The following OPRK1 variants were observed in gnomAD, a reference collection of about 807,000 sequenced individuals.
OPRK1 encodes opioid receptor kappa 1.
In OPRK1, 15 loss-of-function variants were observed where a neutral mutation model predicts 24.5. The observed-to-expected ratio is 0.61, with a 90% CI of 0.41 to 0.94. The LOEUF is 0.94. Among genes scored for constraint, OPRK1 ranks in the 40% least tolerant of loss-of-function variants. OPRK1 has a pLI of 0.00. For synonymous variants in OPRK1, 205 were observed against 198.0 expected (o/e 1.04, Z -0.30); for missense variants, 479 against 507.3 (o/e 0.94, Z 0.54).
chr8:53,234,671 T>C (rs1806944302), intron 3 of OPRK1, 88 bp downstream of exon 3: 4 of 1,181,626 alleles, frequency 3.4e-6, no homozygotes, highest in African/African-American at 1.5e-5. Context: ...CGATTTCCAC[T>C]AAATATGTGG....
intron 2 of OPRK1, among the ~76,000 whole-genome samples, chr8:53,240,972 TCAATTATGCCTCAC>T (rs1807099990): frequency 6.6e-6 from 1 of 152,182 alleles, no homozygotes; most frequent in Non-Finnish European, 1.5e-5. Flanking sequence ...TTTTTATTTG[TCAATTATGCCTCAC>T]CAAAGCTTGT....
At position 53,228,467 on chromosome 8, in the gene OPRK1, G is replaced by A. The variant is rs200822640; in HGVS notation, c.*830C>T. 1 of 152,130 alleles carries A rather than the reference G, an allele frequency of 6.6e-6. No homozygotes were observed. Among genetic ancestry groups the A allele is most frequent in the Non-Finnish European group, 1.5e-5 (1 of 68,022 alleles). The allele number at this position is 152,130 out of a possible 1,614,324, so 9.4% of individuals were successfully genotyped here. A position where few individuals can be genotyped will look rare whatever the true frequency, so the allele number is the denominator to read the frequency against. ...ATCATTAGTGTGCCCTCAGGAAATT[G>A]CCTGGCTGGGAGGCAAGCCTATTCC... On this transcript the variant is annotated 3_prime_UTR_variant, in exon 4 of 4. Transcript: ENST00000265572.
chr8:53,244,530 C>T (rs926691455), intron 2 of OPRK1, among the ~76,000 whole-genome samples: 1 of 152,092 alleles, frequency 6.6e-6, no homozygotes, highest in Admixed American at 6.5e-5. Context: ...GAGGAAGGTT[C>T]GTGAGAGATT....
At position 53,226,799 on chromosome 8, in the gene OPRK1, T is replaced by A. The variant is rs202201808; in HGVS notation, c.*2498A>T. ...TCCCTTCTTCACTCCTTTTTCAATGTTGGGGAGTCGATATTAACAAGAATC... is the reference window on the plus strand; with the variant it reads ...TCCCTTCTTCACTCCTTTTTCAATGATGGGGAGTCGATATTAACAAGAATC... On this transcript the variant is annotated 3_prime_UTR_variant, in exon 4 of 4. Coordinates refer to ENST00000265572, the MANE Select transcript of OPRK1 (RefSeq NM_000912.5). The A allele has an allele frequency of 6.6e-6, 1 of 152,240 alleles. No homozygotes were observed. Among genetic ancestry groups the A allele is most frequent in the Non-Finnish European group, 1.5e-5 (1 of 68,048 alleles). 9.4% of individuals were successfully genotyped at this position (152,240 alleles called of 1,614,324 possible).
At chr8:53,246,421 C>A (rs1807229667) in intron 2 of OPRK1, among the ~76,000 whole-genome samples, 1 of 152,102 alleles carries the variant, frequency 6.6e-6, no homozygotes, top group Admixed American at 6.5e-5. Flanking sequence ...CCATGACAGG[C>A]AGGAGGATGA....
rs1177091183 is a variant in OPRK1 at position 53,245,076 on chromosome 8, A to G, written c.257+5705T>C. Reference sequence around the variant, plus strand: ...AAATAGTTGTTATACTCTATTGTTTATGGAATAATGACAAGAAAGAAAGTC... The same window carrying G: ...AAATAGTTGTTATACTCTATTGTTTGTGGAATAATGACAAGAAAGAAAGTC... On this transcript the variant is annotated intron_variant, in intron 2 of 3. Coordinates refer to ENST00000265572, the MANE Select transcript of OPRK1 (RefSeq NM_000912.5). Among the ~76,000 whole-genome samples the G allele has an allele frequency of 3.9e-5, 6 of 152,360 alleles. No homozygotes were observed. In the East Asian group the frequency reaches 9.6e-4, roughly 25 times the overall value.
chr8:53,231,554 A>G (rs561088248), intron 3 of OPRK1, among the ~76,000 whole-genome samples: 14 of 152,096 alleles, frequency 9.2e-5, no homozygotes, highest in African/African-American at 2.9e-4. Flanking sequence ...TATTCACCCA[A>G]TTTCCCAGAC....
chr8:53,232,530 T>C (rs1005477518), intron 3 of OPRK1, among the ~76,000 whole-genome samples: 1 of 152,198 alleles, frequency 6.6e-6, no homozygotes, highest in Non-Finnish European at 1.5e-5. Context: ...TATTATGAAT[T>C]CATAAAAACT....
At chr8:53,231,558 C>G (rs1364380767) in intron 3 of OPRK1, among the ~76,000 whole-genome samples, 2 of 152,134 alleles carry the variant, frequency 1.3e-5, no homozygotes, top group Non-Finnish European at 2.9e-5. Flanking sequence ...CACCCAATTT[C>G]CCAGACAGAA....
At chr8:53,250,069 C>CCACACACACACACACA (rs369426050) in intron 2 of OPRK1, among the ~76,000 whole-genome samples, 1 of 130,390 alleles carries the variant, frequency 7.7e-6, no homozygotes, top group Non-Finnish European at 1.7e-5. Flanking sequence ...GAAGAAATTT[C>CCACACACACACACACA]CACACACACA....
chr8:53,250,970 G>A lies in OPRK1; in HGVS notation c.68C>T (p.Pro23Leu). The A allele has an allele frequency of 6.2e-7, 1 of 1,605,062 alleles. No homozygotes were observed. Among genetic ancestry groups the A allele is most frequent in the Non-Finnish European group, 8.5e-7 (1 of 1,175,976 alleles). ...GGGAAACCAGGCGCTGCTGTTGGGG[G>A]GCAGGCAGGCGCTCGGGGCGCAGGT... ...GPTCAPSACLPPNSSAWFPGW... is the reference protein window; with the variant it reads ...GPTCAPSACLLPNSSAWFPGW... The change falls in exon 2 of 4, where the codon CCC (proline) becomes CTC (leucine). Residue 23 changes from proline to leucine, a missense_variant. Coordinates refer to ENST00000265572, the MANE Select transcript of OPRK1 (RefSeq NM_000912.5).
intron 2 of OPRK1, among the ~76,000 whole-genome samples, chr8:53,240,782 A>C (rs1039651993): frequency 6.6e-6 from 1 of 152,142 alleles, no homozygotes; most frequent in African/African-American, 2.4e-5. Flanking sequence ...TAGCATCAAC[A>C]ATACTGTATT....
At position 53,229,081 on chromosome 8, in the gene OPRK1, G is replaced by A. The variant is rs1806785464; in HGVS notation, c.*216C>T. 3 of 520,404 alleles carry A rather than the reference G, an allele frequency of 5.8e-6. No individual in the cohort carries two copies. Among genetic ancestry groups the A allele is most frequent in the Non-Finnish European group, 1.0e-5 (3 of 295,488 alleles). The allele number at this position is 520,404 out of a possible 1,614,324, so 32.2% of individuals were successfully genotyped here. A position where few individuals can be genotyped will look rare whatever the true frequency, so the allele number is the denominator to read the frequency against. On this transcript the variant is annotated 3_prime_UTR_variant, in exon 4 of 4. Transcript: ENST00000265572. ...GGCTCTGCCTCGCTTCTGTGCCCTA[G>A]AGAAGAGGTGCATGTGTTGCGTGGA...
intron 3 of OPRK1, 22 bp from the exon 4 acceptor site, chr8:53,229,851 C>G (rs1806812370): frequency 6.6e-7 from 1 of 1,523,478 alleles, no homozygotes; most frequent in South Asian, 1.3e-5. Context: ...CAATAAAAAC[C>G]ACAACACAGA....
intron 3 of OPRK1, 36 bp downstream of exon 3, chr8:53,234,723 A>G (rs200456729): frequency 7.7e-6 from 12 of 1,551,954 alleles, no homozygotes; most frequent in Non-Finnish European, 9.7e-6. Flanking sequence ...ATTTGAAGCT[A>G]CATTTTTATG....
At chr8:53,236,492 T>G (rs1208700231) in intron 2 of OPRK1, among the ~76,000 whole-genome samples, 2 of 152,238 alleles carry the variant, frequency 1.3e-5, no homozygotes, top group Non-Finnish European at 2.9e-5. Context: ...GATGTTCTGC[T>G]TACTAAAGAG....
Position 53,229,688 on chromosome 8 carries a change from A to G in OPRK1, c.752T>C (p.Leu251Pro). Residue 251 changes from leucine to proline, a missense_variant, in exon 4 of 4, where the codon CTG (leucine) becomes CCG (proline). Coordinates refer to ENST00000265572, the MANE Select transcript of OPRK1 (RefSeq NM_000912.5). The stretch of plus-strand genomic sequence containing the variant: ...AAGGAGCCGGACGCTCTTGAGACGC[A>G]GGATCATCAGGGTGTAGCAGACGAT... The part of the protein sequence containing the change: ...IIIVCYTLMI[L>P]RLKSVRLLSG... The G allele has an allele frequency of 1.9e-6, 3 of 1,614,176 alleles. No homozygotes were observed. The highest frequency in any genetic ancestry group is 2.5e-6 in the Non-Finnish European group (3 of 1,180,020).
intron 2 of OPRK1, chr8:53,242,472 G>C: frequency 6.2e-6 from 1 of 161,460 alleles, no homozygotes; most frequent in Non-Finnish European, 1.4e-5. Flanking sequence ...TGTCATAGCT[G>C]ATCTCTGACT....
At chr8:53,245,951 T>G (rs1390895117) in intron 2 of OPRK1, among the ~76,000 whole-genome samples, 2 of 152,176 alleles carry the variant, frequency 1.3e-5, no homozygotes, top group Non-Finnish European at 2.9e-5. Context: ...TCTCCTGACT[T>G]CCTATCTTAG....
Sources: gnomAD v4.1 joint callset for allele counts (sites outside exome capture counted in the v4.1 genomes callset) on GRCh38, gnomAD v4.1.1 for gene constraint, MANE v1.5 for transcripts, NCBI Gene and HGNC (gene_info 2026-07-23, HGNC 2026-07-21) for gene names.